Variants in GALK2 observed in about 807,000 individuals in gnomAD.
GALK2 encodes the protein N-acetylgalactosamine kinase.
Under a neutral mutation model 52.4 loss-of-function variants are expected in GALK2, and 36 were observed. The observed-to-expected ratio is 0.69, with a 90% CI of 0.53 to 0.91. The LOEUF is 0.91. GALK2 is among the 40% of genes least tolerant of loss of function. The pLI is 0.00. For synonymous variants in GALK2, 176 were observed against 199.1 expected (o/e 0.88, Z 0.98); for missense variants, 579 against 559.1 (o/e 1.04, Z -0.36).
At chr15:49,164,500 G>C (rs552132388) in intron 1 of GALK2, among the ~76,000 whole-genome samples, 1 of 152,112 alleles carries the variant, frequency 6.6e-6, no homozygotes, top group African/African-American at 2.4e-5. Flanking sequence ...AAAAAGGAAG[G>C]CTGGGCATGG....
intron 3 of GALK2, among the ~76,000 whole-genome samples, chr15:49,354,508 C>G (rs557735528): frequency 1.9e-4 from 29 of 152,326 alleles, no homozygotes; most frequent in African/African-American, 7.0e-4. Flanking sequence ...AAAATCGTGT[C>G]ACTCCCACCT....
Position 49,292,479 on chromosome 15 carries a change from T to C in GALK2, c.909T>C (p.Cys303=), listed in dbSNP as rs762544798. ...EPYNPEEICR[C]LGISLEELRT... ...ATAACCCTGAGGAGATCTGCAGGTGTCTGGGAATTAGCCTGGAGGAACTCC... is the reference window on the plus strand; with the variant it reads ...ATAACCCTGAGGAGATCTGCAGGTGCCTGGGAATTAGCCTGGAGGAACTCC... The change falls in exon 8 of 10, where the codon TGT becomes TGC. Residue 303 remains cysteine, a synonymous_variant. Coordinates refer to ENST00000560031, the MANE Select transcript of GALK2 (RefSeq NM_002044.4). 1 of 1,614,016 alleles carries C rather than the reference T, an allele frequency of 6.2e-7. No homozygotes were observed. The highest frequency in any genetic ancestry group is 1.1e-5 in the South Asian group (1 of 91,076).
intron 3 of GALK2, among the ~76,000 whole-genome samples, chr15:49,223,310 A>G (rs1009093330): frequency 1.3e-5 from 2 of 151,930 alleles, no homozygotes; most frequent in African/African-American, 4.8e-5. Flanking sequence ...CAGTTTATCA[A>G]TTTTGTTCTT....
chr15:49,313,678 T>C (rs1271428638), intron 8 of GALK2, among the ~76,000 whole-genome samples: 6 of 152,246 alleles, frequency 3.9e-5, no homozygotes, highest in Admixed American at 3.9e-4. Flanking sequence ...GTGGCTTTCC[T>C]GTCATTTGGA....
At chr15:49,159,635 G>A (rs2084582774) in intron 1 of GALK2, among the ~76,000 whole-genome samples, 1 of 151,738 alleles carries the variant, frequency 6.6e-6, no homozygotes, top group African/African-American at 2.4e-5. Context: ...TTACAGGCTT[G>A]ATTCTTTTTT....
At chr15:49,192,514 T>TATATATATATAC (rs2086841408) in intron 1 of GALK2, among the ~76,000 whole-genome samples, 1 of 122,804 alleles carries the variant, frequency 8.1e-6, no homozygotes, top group African/African-American at 2.9e-5. Flanking sequence ...TATATATATA[T>TATATATATATAC]ATATATATAT....
intron 3 of GALK2, among the ~76,000 whole-genome samples, chr15:49,345,678 A>G (rs2041371487): frequency 6.6e-6 from 1 of 152,200 alleles, no homozygotes; most frequent in African/African-American, 2.4e-5. Context: ...TGGAAGATTC[A>G]CTTGGGGACA....
intron 8 of GALK2, among the ~76,000 whole-genome samples, chr15:49,302,643 T>C (rs2035211318): frequency 1.3e-5 from 2 of 152,226 alleles, no homozygotes; most frequent in African/African-American, 4.8e-5. Flanking sequence ...GAAATTGATT[T>C]AAATGTAGCT....
intron 3 of GALK2, among the ~76,000 whole-genome samples, chr15:49,222,794 G>T (rs999973598): frequency 6.6e-6 from 1 of 152,082 alleles, no homozygotes; most frequent in East Asian, 1.9e-4. Flanking sequence ...TTCAGTTTGC[G>T]GCAATTTTGT....
rs150682101 is a variant in GALK2, at chr15:49,163,755, G to A, written c.20+7739G>A. 6.6e-3 allele frequency among the ~76,000 whole-genome samples: 1,011 copies of A among 152,210 alleles called. 15 individuals are homozygous for A. Among genetic ancestry groups the A allele is most frequent in the African/African-American group, 0.022 (912 of 41,546 alleles). On this transcript the variant is annotated intron_variant, in intron 1 of 9. Transcript: ENST00000327171. ...CAGAAAGCTCCTTGAGGACACAACT[G>A]TCTTTCTTACTTCTGAATTCTCTGA... is the stretch of plus-strand genomic sequence containing the variant.
At chr15:49,195,982 A>T (rs1054333507) in intron 1 of GALK2, among the ~76,000 whole-genome samples, 5 of 152,092 alleles carry the variant, frequency 3.3e-5, no homozygotes, top group African/African-American at 1.2e-4. Context: ...TTTAAAAAAA[A>T]GTCTTCTGTT....
intron 9 of GALK2, among the ~76,000 whole-genome samples, chr15:49,322,516 G>A (rs2036960079): frequency 6.6e-6 from 1 of 152,230 alleles, no homozygotes; most frequent in African/African-American, 2.4e-5. Context: ...AAGGTCCTAA[G>A]TGGCAGAGCA....
At chr15:49,227,702 A>G (rs542003695) in intron 3 of GALK2, among the ~76,000 whole-genome samples, 1 of 151,236 alleles carries the variant, frequency 6.6e-6, no homozygotes, top group Non-Finnish European at 1.5e-5. Context: ...TGTTTTATAT[A>G]TCTTTTTTCT....
At chr15:49,361,751 G>C (rs1284937240) in intron 3 of GALK2, among the ~76,000 whole-genome samples, 1 of 151,988 alleles carries the variant, frequency 6.6e-6, no homozygotes, top group Non-Finnish European at 1.5e-5. Context: ...TATTCCTTTG[G>C]GTATATACTC....
chr15:49,195,196 G>A (rs1334745142), intron 1 of GALK2: 7 of 416,650 alleles, frequency 1.7e-5, no homozygotes, highest in African/African-American at 2.1e-5. Flanking sequence ...CTCCGCCTCC[G>A]GAGTAGCTGG....
At chr15:49,270,688 C>T (rs2030384116) in intron 5 of GALK2, among the ~76,000 whole-genome samples, 1 of 152,154 alleles carries the variant, frequency 6.6e-6, no homozygotes, top group South Asian at 2.1e-4. Flanking sequence ...ACCCTTTCCC[C>T]AAGGCAAATG....
intron 2 of GALK2, among the ~76,000 whole-genome samples, chr15:49,215,095 A>C (rs1198274558): frequency 6.6e-6 from 1 of 152,210 alleles, no homozygotes; most frequent in South Asian, 2.1e-4. Context: ...CCTACTAGAC[A>C]TATTGGAGCC....
intron 1 of GALK2, among the ~76,000 whole-genome samples, chr15:49,171,272 G>C (rs1252972896): frequency 6.6e-6 from 1 of 151,732 alleles, no homozygotes; most frequent in African/African-American, 2.4e-5. Context: ...ATCAGAGATG[G>C]GGTTTCTCTA....
chr15:49,365,251 A>T, intron 3 of GALK2: 1 of 1,164,890 alleles, frequency 8.6e-7, no homozygotes, highest in Non-Finnish European at 1.3e-6. Context: ...TCCAGGCAAC[A>T]ACTGAGGCAA....
Sources: gnomAD v4.1 joint callset for allele counts (sites outside exome capture counted in the v4.1 genomes callset) on GRCh38, gnomAD v4.1.1 for gene constraint, MANE v1.5 for transcripts, NCBI Gene and HGNC (gene_info 2026-07-23, HGNC 2026-07-21) for gene names.